Variants in DLGAP1 observed in about 807,000 individuals in gnomAD.
DLGAP1 encodes the protein disks large-associated protein 1.
In DLGAP1, 11 loss-of-function variants were observed where a neutral mutation model predicts 90.8. That is an observed-to-expected ratio of 0.12 (90% CI 0.08 to 0.20). The LOEUF (loss-of-function observed/expected upper bound fraction) is 0.20. DLGAP1 is among the 10% of genes least tolerant of loss of function. DLGAP1 has a pLI of 1.00. For synonymous variants in DLGAP1, 558 were observed against 540.7 expected, an observed-to-expected ratio of 1.03 and a Z score of -0.44; for missense variants, 1,050 against 1,333.8, an observed-to-expected ratio of 0.79 and a Z score of 3.31.
At chr18:4,015,408 C>A (rs1216433771) in intron 2 of DLGAP1, among the ~76,000 whole-genome samples, 1 of 152,104 alleles carries the variant, frequency 6.6e-6, no homozygotes, top group African/African-American at 2.4e-5. Flanking sequence ...GGTGAGGAAG[C>A]TGCTGGGCCA....
At chr18:4,005,259 G>A (rs1004466553) in intron 2 of DLGAP1, 58 bp from the exon 3 acceptor site, 7 of 152,044 alleles carry the variant, frequency 4.6e-5, no homozygotes, top group Non-Finnish European at 1.0e-4. Flanking sequence ...GAAATAGGAG[G>A]GGGTGACAAA....
chr18:3,499,210 A>T lies in DLGAP1; in HGVS notation c.2909T>A (p.Ile970Asn). The change falls in exon 13 of 13, where the codon ATC becomes AAC. Residue 970 changes from isoleucine (I) to asparagine (N), a missense_variant. Physicochemically the swap from Ile to Asn is moderately radical, Grantham distance 149. Around this residue, in one of 2 missense-constraint regions of DLGAP1, gnomAD observed 565 missense variants for 879.7 expected, o/e 0.64. Transcript: ENST00000315677. This position sits in a 1 kb window ranked among gnomAD's most constrained non-coding sequence, Gnocchi z 6.4. ...TCAGAGCCGGGTCTGCGCCTCGGGG[A>T]TGTAGATCTCGATGCTCTCGGCGCT... ...TESAESIEIY[I>N]PEAQTRL 6.4e-7 allele frequency: 1 copy of T among 1,572,296 alleles called. No homozygotes were observed. Among genetic ancestry groups the T allele is most frequent in the Non-Finnish European group, 8.6e-7 (1 of 1,163,428 alleles).
At chr18:4,303,064 TTCCCTG>T (rs2080164294) in intron 1 of DLGAP1, among the ~76,000 whole-genome samples, 1 of 152,218 alleles carries the variant, frequency 6.6e-6, no homozygotes, top group Non-Finnish European at 1.5e-5. Flanking sequence ...AGCTGGAACT[TTCCCTG>T]TTGACTGCTG....
chr18:3,581,782 G>T (rs938550593), intron 8 of DLGAP1, 93 bp downstream of exon 8: 3 of 1,518,562 alleles, frequency 2.0e-6, no homozygotes, highest in Non-Finnish European at 2.7e-6. Flanking sequence ...ATGATTCCAA[G>T]CGGCAAGAAA....
chr18:3,760,503 G>A (rs1163962950), intron 5 of DLGAP1, among the ~76,000 whole-genome samples: 5 of 152,122 alleles, frequency 3.3e-5, no homozygotes. Context: ...CAGCTGGCTG[G>A]GGATACAGCA....
At chr18:3,956,206 A>G (rs917655843) in intron 3 of DLGAP1, among the ~76,000 whole-genome samples, 2 of 152,238 alleles carry the variant, frequency 1.3e-5, no homozygotes, top group South Asian at 2.1e-4. Flanking sequence ...AGAGGAACAC[A>G]TTAAAATGGT....
intron 1 of DLGAP1, among the ~76,000 whole-genome samples, chr18:4,359,096 G>C (rs1280689147): frequency 6.6e-6 from 1 of 152,194 alleles, no homozygotes; most frequent in Admixed American, 6.5e-5. Context: ...TTAAAAAGAT[G>C]ACTCTAGCTT....
intron 1 of DLGAP1, among the ~76,000 whole-genome samples, chr18:4,341,486 C>A (rs1839086520): frequency 6.6e-6 from 1 of 152,032 alleles, no homozygotes; most frequent in African/African-American, 2.4e-5. Flanking sequence ...TTTTCATTAA[C>A]CACTAATATC....
At chr18:3,989,508 CA>C (rs2073917546) in intron 3 of DLGAP1, among the ~76,000 whole-genome samples, 1 of 152,216 alleles carries the variant, frequency 6.6e-6, no homozygotes, top group Admixed American at 6.5e-5. Context: ...TGAATCCAAA[CA>C]GGATGTGTAG....
chr18:4,038,099 G>A (rs2074918464), intron 2 of DLGAP1, among the ~76,000 whole-genome samples: 1 of 152,090 alleles, frequency 6.6e-6, no homozygotes, highest in Non-Finnish European at 1.5e-5. Context: ...TGCAATACAG[G>A]CATGATTCTT....
At chr18:3,990,164 C>T (rs1599279397) in intron 3 of DLGAP1, among the ~76,000 whole-genome samples, 2 of 152,162 alleles carry the variant, frequency 1.3e-5, no homozygotes, top group East Asian at 3.9e-4. Context: ...AATCATGCTG[C>T]TATAAAGACA....
At chr18:4,117,462 C>T (rs772936175) in intron 2 of DLGAP1, among the ~76,000 whole-genome samples, 5 of 152,140 alleles carry the variant, frequency 3.3e-5, no homozygotes, top group Non-Finnish European at 5.9e-5. Context: ...AATTTATTTA[C>T]GCTTTGATGA....
intron 1 of DLGAP1, among the ~76,000 whole-genome samples, chr18:4,451,463 G>A (rs1412196052): frequency 6.6e-6 from 1 of 152,178 alleles, no homozygotes; most frequent in African/African-American, 2.4e-5. Context: ...TCGGTTATCT[G>A]TGGGTGTCTA....
chr18:4,384,537 T>G (rs1269009962), intron 1 of DLGAP1, among the ~76,000 whole-genome samples: 1 of 152,174 alleles, frequency 6.6e-6, no homozygotes, highest in East Asian at 1.9e-4. Context: ...TTGAACCTTT[T>G]AAGAGCAATA....
chr18:4,170,500 G>T (rs1432716076), intron 1 of DLGAP1, among the ~76,000 whole-genome samples: 2 of 152,012 alleles, frequency 1.3e-5, no homozygotes, highest in Non-Finnish European at 2.9e-5. Flanking sequence ...ATTTAAGCAA[G>T]AATACAGTAG....
chr18:3,883,791 T>A (rs1385630471), intron 3 of DLGAP1, among the ~76,000 whole-genome samples: 2 of 152,210 alleles, frequency 1.3e-5, no homozygotes, highest in East Asian at 3.9e-4. Flanking sequence ...AGACCAGTCT[T>A]CAGAGCAAGG....
At chr18:4,128,902 T>A (rs1360323904) in intron 2 of DLGAP1, among the ~76,000 whole-genome samples, 1 of 152,190 alleles carries the variant, frequency 6.6e-6, no homozygotes, top group Non-Finnish European at 1.5e-5. Flanking sequence ...ACCGGCATTT[T>A]TTTTTTAACT....
intron 11 of DLGAP1, among the ~76,000 whole-genome samples, chr18:3,505,602 C>T (rs1282260142): frequency 1.4e-5 from 2 of 142,404 alleles, no homozygotes; most frequent in Non-Finnish European, 3.0e-5. Context: ...TGCGCCACTG[C>T]ACTCCCAGCC....
intron 1 of DLGAP1, among the ~76,000 whole-genome samples, chr18:4,317,144 C>T (rs1002044931): frequency 1.3e-5 from 2 of 152,328 alleles, no homozygotes; most frequent in South Asian, 2.1e-4. Context: ...AAGGAGAGCG[C>T]TGGATGCCTT....
Sources: allele counts gnomAD v4.1 joint callset (sites outside exome capture counted in the v4.1 genomes callset), GRCh38; gene constraint gnomAD v4.1.1; regional missense constraint gnomAD v4.1.1; non-coding constraint Gnocchi (gnomAD v3.1); transcripts MANE v1.5; gene names NCBI Gene and HGNC (gene_info 2026-07-23, HGNC 2026-07-21).